NKAIN2: variants seen among roughly 807,000 people sequenced by gnomAD.
The protein encoded by NKAIN2 is sodium/potassium transporting ATPase interacting 2.
In NKAIN2, 14 loss-of-function variants were observed where a neutral mutation model predicts 32.6. That is an observed-to-expected ratio of 0.43 (90% CI 0.28 to 0.67). The LOEUF (loss-of-function observed/expected upper bound fraction) is 0.67. Ranked by LOEUF, NKAIN2 falls within the 30% of genes least tolerant of loss-of-function variation. The pLI, the probability that NKAIN2 is intolerant of heterozygous loss-of-function variation, is 0.17. For synonymous variants in NKAIN2, 80 were observed against 87.2 expected (o/e 0.92, Z 0.46); for missense variants, 198 against 258.3 (o/e 0.77, Z 1.60).
At chr6:124,551,392 T>C (rs1780281307) in intron 3 of NKAIN2, among the ~76,000 whole-genome samples, 1 of 152,214 alleles carries the variant, frequency 6.6e-6, no homozygotes, top group African/African-American at 2.4e-5. Context: ...ACACCAGTGG[T>C]GTTGCCATCT....
intron 1 of NKAIN2, among the ~76,000 whole-genome samples, chr6:124,005,369 A>G (rs1297533671): frequency 2.0e-5 from 3 of 152,184 alleles, no homozygotes; most frequent in East Asian, 1.9e-4. Flanking sequence ...AAATATTTGC[A>G]TATACCCCAA....
chr6:124,218,598 A>G (rs1791611994), intron 1 of NKAIN2, among the ~76,000 whole-genome samples: 1 of 152,216 alleles, frequency 6.6e-6, no homozygotes, highest in Non-Finnish European at 1.5e-5. Flanking sequence ...TACTAATAGC[A>G]AAACAACAAT....
chr6:124,558,007 T>G (rs1002151147), intron 3 of NKAIN2, among the ~76,000 whole-genome samples: 2 of 152,268 alleles, frequency 1.3e-5, no homozygotes, highest in Non-Finnish European at 2.9e-5. Context: ...ATACAATGCA[T>G]TGCTTTTTAG....
At chr6:124,131,596 A>G (rs1786479795) in intron 1 of NKAIN2, among the ~76,000 whole-genome samples, 1 of 152,238 alleles carries the variant, frequency 6.6e-6, no homozygotes. Context: ...CCAAACACAC[A>G]TCTCCACTGG....
intron 1 of NKAIN2, among the ~76,000 whole-genome samples, chr6:123,899,708 G>GC (rs1332062483): frequency 1.3e-5 from 2 of 152,114 alleles, no homozygotes; most frequent in Non-Finnish European, 2.9e-5. Context: ...CTCTTTTCTT[G>GC]CTTCTCTCCC....
intron 1 of NKAIN2, among the ~76,000 whole-genome samples, chr6:123,988,874 AGT>A (rs72226512): frequency 0.28 from 37,375 of 133,934 alleles, 5,224 homozygotes; most frequent in Middle Eastern, 0.45. Flanking sequence ...GAACCTTAAG[AGT>A]GTGTGTGTGT....
intron 3 of NKAIN2, among the ~76,000 whole-genome samples, chr6:124,583,883 A>G (rs1781613093): frequency 6.6e-6 from 1 of 152,216 alleles, no homozygotes; most frequent in African/African-American, 2.4e-5. Flanking sequence ...CCAAGAACAT[A>G]CATTGAAGAA....
intron 3 of NKAIN2, among the ~76,000 whole-genome samples, chr6:124,393,202 A>G (rs1200039995): frequency 2.0e-5 from 3 of 152,218 alleles, no homozygotes; most frequent in African/African-American, 4.8e-5. Flanking sequence ...AAGAAAGAAG[A>G]CTTACATTTA....
At chr6:124,398,087 A>G (rs1018969720) in intron 3 of NKAIN2, among the ~76,000 whole-genome samples, 57 of 151,430 alleles carry the variant, frequency 3.8e-4, no homozygotes, top group African/African-American at 1.3e-3. Flanking sequence ...CCCCATCTGT[A>G]CTAAAACTAC....
chr6:124,199,515 G>A (rs1278514364), intron 1 of NKAIN2, among the ~76,000 whole-genome samples: 1 of 152,140 alleles, frequency 6.6e-6, no homozygotes, highest in African/African-American at 2.4e-5. Context: ...AAGTGTCATT[G>A]CCAGGGAAGC....
chr6:124,503,750 G>T (rs975840409), intron 3 of NKAIN2, among the ~76,000 whole-genome samples: 1 of 152,086 alleles, frequency 6.6e-6, no homozygotes, highest in Non-Finnish European at 1.5e-5. Flanking sequence ...TGAGCATTTT[G>T]CATTCTAAGA....
Position 123,804,219 on chromosome 6 carries a change from A to G in NKAIN2, c.19A>G (p.Arg7Gly). The part of the protein sequence containing the change: MGYCSG[R>G]CTLIFICGMQ... ...GGAAACCATGGGTTATTGCAGTGGC[A>G]GGTGCACGCTTATCTTTATCTGTGG... The change falls in exon 1 of 7, where the codon AGG (arginine) becomes GGG (glycine). Residue 7 changes from arginine to glycine, a missense_variant. Physicochemically the swap from Arg to Gly is moderately radical, Grantham distance 125 (BLOSUM62 -2). Transcript: ENST00000368417. The G allele has an allele frequency of 6.2e-7, 1 of 1,614,038 alleles. No individual in the cohort carries two copies. Among genetic ancestry groups the G allele is most frequent in the Non-Finnish European group, 8.5e-7 (1 of 1,179,918 alleles).
intron 1 of NKAIN2, among the ~76,000 whole-genome samples, chr6:123,944,601 TA>T (rs1179213169): frequency 6.6e-6 from 1 of 151,930 alleles, no homozygotes; most frequent in Non-Finnish European, 1.5e-5. Context: ...TACTGATGCC[TA>T]AAAAAAGAAA....
chr6:124,773,945 G>A (rs1415433069), intron 4 of NKAIN2, among the ~76,000 whole-genome samples: 1 of 152,246 alleles, frequency 6.6e-6, no homozygotes. Flanking sequence ...AGCTAGAGAA[G>A]AGTGAGTAGG....
At chr6:124,284,754 G>T (rs948560027) in intron 2 of NKAIN2, among the ~76,000 whole-genome samples, 3 of 151,806 alleles carry the variant, frequency 2.0e-5, no homozygotes, top group African/African-American at 7.2e-5. Context: ...ATAAATATTA[G>T]CTATAATATT....
chr6:124,066,561 G>T (rs1333152309), intron 1 of NKAIN2, among the ~76,000 whole-genome samples: 1 of 152,134 alleles, frequency 6.6e-6, no homozygotes, highest in African/African-American at 2.4e-5. Context: ...ATTAGAATTA[G>T]AATTTAGTCT....
Position 124,295,259 on chromosome 6 carries a change from A to G in NKAIN2, c.192+12117A>G, listed in dbSNP as rs191149826. Among the ~76,000 whole-genome samples the G allele has an allele frequency of 3.5e-4, 53 of 152,106 alleles. No individual in the cohort carries two copies. In the East Asian group the frequency reaches 8.3e-3, roughly 24 times the overall value. On this transcript the variant is annotated intron_variant, in intron 2 of 6. Transcript: ENST00000368417. ...TATAATTTGGCATAGTTTTCATTCT[A>G]TCTTCTAAAACCTTTGTGTCGTTTT...
intron 1 of NKAIN2, among the ~76,000 whole-genome samples, chr6:124,110,066 T>C (rs1562363422): frequency 6.6e-6 from 1 of 152,004 alleles, no homozygotes; most frequent in Non-Finnish European, 1.5e-5. Flanking sequence ...TTTCTTGTGG[T>C]TTCTTTGCCT....
At chr6:124,341,654 G>C (rs1798120464) in intron 2 of NKAIN2, among the ~76,000 whole-genome samples, 1 of 152,126 alleles carries the variant, frequency 6.6e-6, no homozygotes, top group African/African-American at 2.4e-5. Context: ...GTAGAAATCT[G>C]ACTTCCTCTA....
Sources: allele counts gnomAD v4.1 joint callset (sites outside exome capture counted in the v4.1 genomes callset), GRCh38; gene constraint gnomAD v4.1.1; transcripts MANE v1.5; gene names NCBI Gene and HGNC (gene_info 2026-07-23, HGNC 2026-07-21).